EFR3A: variants seen among roughly 807,000 people sequenced by gnomAD.
EFR3A encodes the protein protein EFR3 homolog A.
In EFR3A, 76 loss-of-function variants were observed where a neutral mutation model predicts 104.4. The ratio of observed to expected loss-of-function variants is 0.73; its 90% CI spans 0.60 to 0.88. The LOEUF (loss-of-function observed/expected upper bound fraction) is 0.88. Among genes scored for constraint, EFR3A ranks in the 40% least tolerant of loss-of-function variants. EFR3A has a pLI of 0.00. For missense variants in EFR3A, 985 were observed against 1,012.5 expected (o/e 0.97, Z 0.37); for synonymous variants, 330 against 330.0 (o/e 1.00, Z 0.00).
At chr8:131,981,861 T>G (rs994201649) in intron 14 of EFR3A, among the ~76,000 whole-genome samples, 3 of 152,054 alleles carry the variant, frequency 2.0e-5, no homozygotes, top group Non-Finnish European at 4.4e-5. Flanking sequence ...TCACTTCACC[T>G]GTAATTTCCT....
intron 1 of EFR3A, among the ~76,000 whole-genome samples, chr8:131,908,243 G>A (rs1816347153): frequency 6.6e-6 from 1 of 151,906 alleles, no homozygotes; most frequent in Non-Finnish European, 1.5e-5. Context: ...TGTATTTTTA[G>A]TAGAGATGGG....
chr8:131,938,300 A>G (rs1235819979), intron 1 of EFR3A: 1 of 397,832 alleles, frequency 2.5e-6, no homozygotes, highest in East Asian at 3.6e-5. Context: ...GGAGTCACCT[A>G]CATTTCTATA....
intron 1 of EFR3A, among the ~76,000 whole-genome samples, chr8:131,925,893 A>T (rs1007107387): frequency 6.6e-6 from 1 of 152,142 alleles, no homozygotes; most frequent in Admixed American, 6.5e-5. Flanking sequence ...AGTAGTGTAT[A>T]CAATAATGAA....
intron 1 of EFR3A, among the ~76,000 whole-genome samples, chr8:131,939,196 T>C (rs2130546026): frequency 6.6e-6 from 1 of 152,244 alleles, no homozygotes; most frequent in East Asian, 1.9e-4. Flanking sequence ...TTCTTATTAT[T>C]ATGAAGAAGG....
chr8:131,997,503 T>C (rs1194804376), intron 19 of EFR3A, among the ~76,000 whole-genome samples: 6 of 152,080 alleles, frequency 3.9e-5, no homozygotes, highest in African/African-American at 7.2e-5. Context: ...TAAGAACTTA[T>C]CAGCACGGCA....
At chr8:131,936,107 T>C (rs1007734243) in intron 1 of EFR3A, among the ~76,000 whole-genome samples, 1 of 152,042 alleles carries the variant, frequency 6.6e-6, no homozygotes, top group Non-Finnish European at 1.5e-5. Flanking sequence ...ACAGGATGGA[T>C]TGGAAATTAG....
intron 1 of EFR3A, among the ~76,000 whole-genome samples, chr8:131,937,163 G>A (rs1396155245): frequency 6.6e-6 from 1 of 152,022 alleles, no homozygotes; most frequent in Non-Finnish European, 1.5e-5. Flanking sequence ...GAAATGGGAA[G>A]ACCAAATATA....
chr8:131,991,400 C>T (rs1057425757), intron 18 of EFR3A, among the ~76,000 whole-genome samples: 6 of 140,194 alleles, frequency 4.3e-5, no homozygotes, highest in African/African-American at 1.8e-4. Context: ...TCAGCTGAAA[C>T]TCTCTATAAG....
chr8:131,918,447 G>C (rs4736521), intron 1 of EFR3A, among the ~76,000 whole-genome samples: 1 of 152,024 alleles, frequency 6.6e-6, no homozygotes, highest in South Asian at 2.1e-4. Flanking sequence ...ATTGAACTTT[G>C]AATGCTTAAA....
intron 10 of EFR3A, among the ~76,000 whole-genome samples, chr8:131,971,959 T>A (rs546467840): frequency 1.3e-5 from 2 of 152,302 alleles, no homozygotes; most frequent in Admixed American, 6.5e-5. Flanking sequence ...TAGCAATCAT[T>A]TATAATTCTT....
At chr8:132,008,021 C>T (rs553023933) in intron 22 of EFR3A, among the ~76,000 whole-genome samples, 10 of 151,814 alleles carry the variant, frequency 6.6e-5, no homozygotes, top group Non-Finnish European at 1.2e-4. Flanking sequence ...GGAAAGAGTC[C>T]TCTCAGTCTT....
At chr8:131,988,291 CTTA>C (rs1821001003) in intron 18 of EFR3A, among the ~76,000 whole-genome samples, 4 of 151,882 alleles carry the variant, frequency 2.6e-5, no homozygotes, top group Non-Finnish European at 5.9e-5. Flanking sequence ...GAATTTATGT[CTTA>C]TGCTTTCATT....
At chr8:131,943,017 C>A (rs538223805) in intron 2 of EFR3A, among the ~76,000 whole-genome samples, 4 of 152,164 alleles carry the variant, frequency 2.6e-5, no homozygotes, top group South Asian at 2.1e-4. Context: ...TGAAAATGTT[C>A]TTTTCCTGTT....
intron 1 of EFR3A, 130 bp downstream of exon 1, chr8:131,904,452 C>T: frequency 2.1e-6 from 2 of 934,214 alleles, no homozygotes; most frequent in Non-Finnish European, 2.8e-6. Flanking sequence ...TGTCTGCGAG[C>T]GGCGGAGTTA....
Position 131,934,032 on chromosome 8 carries a change from A to G in EFR3A, c.11-6467A>G, listed in dbSNP as rs188061540. Among the ~76,000 whole-genome samples, 5 of 152,292 alleles carry G rather than the reference A, an allele frequency of 3.3e-5. No homozygotes were observed. The East Asian group carries it at 7.7e-4, about 24-fold the overall frequency. Reference sequence around the variant, plus strand: ...GTGAAATTGAGAATGAAAGGAGAGAAGGTATACGATTATATGTGGAAAGAA... The same window carrying G: ...GTGAAATTGAGAATGAAAGGAGAGAGGGTATACGATTATATGTGGAAAGAA... On this transcript the variant is annotated intron_variant, in intron 1 of 22. Coordinates refer to ENST00000254624, the MANE Select transcript of EFR3A (RefSeq NM_015137.6).
Position 131,950,091 on chromosome 8 carries a change from G to A in EFR3A, c.488+1G>A. 6.2e-7 allele frequency: 1 copy of A among 1,602,324 alleles called. No homozygotes were observed. The highest frequency in any genetic ancestry group is 8.5e-7 in the Non-Finnish European group (1 of 1,173,638). On this transcript the variant is annotated splice_donor_variant, in intron 5 of 22. Transcript: ENST00000254624. LOFTEE classifies it high-confidence loss of function. The stretch of plus-strand genomic sequence containing the variant: ...ATAGTGATCCAGAAATACGAACAGA[G>A]TATGTATTATTTTACTTTATGATCT...
intron 17 of EFR3A, among the ~76,000 whole-genome samples, chr8:131,986,498 A>G (rs1202080841): frequency 6.6e-6 from 1 of 152,066 alleles, no homozygotes; most frequent in African/African-American, 2.4e-5. Context: ...TAAGAATAAG[A>G]CTTGGCCAGG....
chr8:131,928,842 G>A (rs759003108), intron 1 of EFR3A, among the ~76,000 whole-genome samples: 3 of 151,608 alleles, frequency 2.0e-5, no homozygotes, highest in Non-Finnish European at 2.9e-5. Context: ...TCTATAATTG[G>A]TACCTTTGTA....
intron 8 of EFR3A, among the ~76,000 whole-genome samples, chr8:131,962,983 G>A (rs949108689): frequency 5.1e-4 from 76 of 150,452 alleles, no homozygotes; most frequent in African/African-American, 1.4e-3. Flanking sequence ...GGTATATAAC[G>A]AAATGAAGGC....
Sources: allele counts gnomAD v4.1 joint callset (sites outside exome capture counted in the v4.1 genomes callset), GRCh38; gene constraint gnomAD v4.1.1; transcripts MANE v1.5; gene names NCBI Gene and HGNC (gene_info 2026-07-23, HGNC 2026-07-21).